The following ITPR2 variants were observed in gnomAD, a reference collection of about 807,000 sequenced individuals.
The protein encoded by ITPR2 is inositol 1,4,5-trisphosphate receptor type 2, also known as inositol 1,4,5-trisphosphate-gated calcium channel ITPR2.
ITPR2 carries 207 observed loss-of-function variants against 317.1 expected under a neutral mutation model. That is an observed-to-expected ratio of 0.65 (90% CI 0.58 to 0.73). ITPR2 has a LOEUF of 0.73. Ranked by LOEUF, ITPR2 falls within the 30% of genes least tolerant of loss-of-function variation. The probability of loss-of-function intolerance (pLI) is 0.00; values close to 1 mark genes in which losing one functional copy is unlikely to be tolerated. For missense variants in ITPR2, 2,613 were observed against 3,284.0 expected, an observed-to-expected ratio of 0.80 and a Z score of 4.99; for synonymous variants, 1,156 against 1,149.1, an observed-to-expected ratio of 1.01 and a Z score of -0.12.
At chr12:26,445,688 G>A (rs559641024) in intron 45 of ITPR2, among the ~76,000 whole-genome samples, 46 of 152,190 alleles carry the variant, frequency 3.0e-4, no homozygotes, top group African/African-American at 7.5e-4. Flanking sequence ...CACAGCAGCC[G>A]TTTTAGGAAG....
intron 13 of ITPR2, among the ~76,000 whole-genome samples, chr12:26,668,657 C>T (rs931274849): frequency 6.6e-6 from 1 of 152,144 alleles, no homozygotes; most frequent in Non-Finnish European, 1.5e-5. Context: ...GAGGCTACTC[C>T]ACCATCAACA....
chr12:26,672,133 C>T (rs1056313791), intron 13 of ITPR2, among the ~76,000 whole-genome samples: 3 of 152,158 alleles, frequency 2.0e-5, no homozygotes, highest in Admixed American at 6.5e-5. Context: ...CAACATTAGA[C>T]AGATCAATGA....
chr12:26,595,719 G>A, intron 31 of ITPR2, 129 bp from the exon 32 acceptor site: 1 of 750,872 alleles, frequency 1.3e-6, no homozygotes, highest in Non-Finnish European at 2.0e-6. Flanking sequence ...TGTCTATCCA[G>A]AAAGTATTCT....
intron 48 of ITPR2, among the ~76,000 whole-genome samples, chr12:26,435,328 T>C (rs1054122017): frequency 6.6e-6 from 1 of 152,018 alleles, no homozygotes; most frequent in African/African-American, 2.4e-5. Context: ...TTGAACTTTA[T>C]TGAAGGTTTA....
At chr12:26,624,491 T>C in intron 23 of ITPR2, 135 bp from the exon 24 acceptor site, 1 of 616,306 alleles carries the variant, frequency 1.6e-6, no homozygotes, top group Non-Finnish European at 2.9e-6. Context: ...TTAACACTAA[T>C]AATCTGATTT....
At chr12:26,822,695 T>G (rs1415635862) in intron 1 of ITPR2, among the ~76,000 whole-genome samples, 3 of 152,142 alleles carry the variant, frequency 2.0e-5, no homozygotes, top group Non-Finnish European at 4.4e-5. Context: ...TCGCATAAAT[T>G]TCTCCCAAGC....
intron 35 of ITPR2, among the ~76,000 whole-genome samples, chr12:26,557,103 T>A (rs1448867940): frequency 6.6e-6 from 1 of 151,980 alleles, no homozygotes; most frequent in Admixed American, 6.6e-5. Context: ...AAAATTCCCA[T>A]GTGTCATTGG....
At chr12:26,676,644 A>G (rs1947914091) in intron 13 of ITPR2, among the ~76,000 whole-genome samples, 1 of 152,072 alleles carries the variant, frequency 6.6e-6, no homozygotes, top group Non-Finnish European at 1.5e-5. Flanking sequence ...GGCAGGAGGA[A>G]GACGTAAAGA....
intron 52 of ITPR2, among the ~76,000 whole-genome samples, chr12:26,410,499 C>T (rs1179887662): frequency 6.6e-6 from 1 of 152,108 alleles, no homozygotes; most frequent in African/African-American, 2.4e-5. Context: ...AGTGTGGTCC[C>T]AGATGGAAAC....
At chr12:26,427,191 C>T (rs12426143) in intron 49 of ITPR2, among the ~76,000 whole-genome samples, 50,207 of 151,838 alleles carry the variant, frequency 0.33, 9,512 homozygotes, top group East Asian at 0.63. Context: ...ACACATAGAT[C>T]AGCAATACTT....
chr12:26,746,191 AACACACAC>A (rs71437307), intron 2 of ITPR2, among the ~76,000 whole-genome samples: 1 of 150,338 alleles, frequency 6.7e-6, no homozygotes, highest in African/African-American at 2.4e-5. Context: ...GTATTCCTAC[AACACACAC>A]ACACACACAC....
intron 2 of ITPR2, among the ~76,000 whole-genome samples, chr12:26,741,237 T>C (rs2137082658): frequency 6.6e-6 from 1 of 152,380 alleles, no homozygotes; most frequent in Non-Finnish European, 1.5e-5. Flanking sequence ...CTTCCAGGCC[T>C]GGGAGGGCCC....
intron 54 of ITPR2, 74 bp downstream of exon 54, chr12:26,398,802 T>C: frequency 1.5e-6 from 2 of 1,303,344 alleles, no homozygotes; most frequent in South Asian, 1.4e-5. Context: ...GCATGAAAAA[T>C]AAAAATCCCT....
intron 48 of ITPR2, among the ~76,000 whole-genome samples, chr12:26,435,448 TC>T (rs1412781508): frequency 1.3e-5 from 2 of 152,186 alleles, no homozygotes; most frequent in Non-Finnish European, 2.9e-5. Flanking sequence ...AGCTGATTTC[TC>T]CATCTTTTCT....
intron 1 of ITPR2, among the ~76,000 whole-genome samples, chr12:26,807,869 T>C (rs1417040331): frequency 2.0e-5 from 3 of 152,178 alleles, no homozygotes; most frequent in Non-Finnish European, 4.4e-5. Flanking sequence ...GATTTCTCTT[T>C]CCCAAGTACA....
intron 2 of ITPR2, among the ~76,000 whole-genome samples, chr12:26,780,773 G>T (rs1950062031): frequency 6.6e-6 from 1 of 152,204 alleles, no homozygotes; most frequent in Admixed American, 6.5e-5. Flanking sequence ...CACCCCTAGT[G>T]ATCCACTAAC....
At position 26,813,968 on chromosome 12, in the gene ITPR2, G is replaced by A. The variant is rs190553609; in HGVS notation, c.92+18722C>T. On this transcript the variant is annotated intron_variant, in intron 1 of 56. Coordinates refer to ENST00000381340, the MANE Select transcript of ITPR2 (RefSeq NM_002223.4). The stretch of plus-strand genomic sequence containing the variant: ...TCCATCATCCACTGTCCTTCCTCTG[G>A]CAACAGAGCCCTACATGAAGAATGG... 3.9e-4 allele frequency among the ~76,000 whole-genome samples: 60 copies of A among 152,218 alleles called. No homozygotes were observed. In the East Asian group the frequency reaches 0.01, roughly 26 times the overall value.
intron 2 of ITPR2, among the ~76,000 whole-genome samples, chr12:26,769,790 C>T (rs190106900): frequency 1.4e-4 from 22 of 151,990 alleles, no homozygotes; most frequent in Admixed American, 1.1e-3. Flanking sequence ...AAGAGAAGAC[C>T]GGATGGGGGG....
At position 26,561,954 on chromosome 12, in the gene ITPR2, T is replaced by C; in HGVS notation, c.4631-2A>G. On this transcript the variant is annotated splice_acceptor_variant, in intron 34 of 56. Transcript: ENST00000381340. LOFTEE classifies it high-confidence loss of function. ...GAATGGCAATTCCACGATTTTTTGC[T>C]GAAAAAGAAAGATTTAAAATATTTC... The C allele has an allele frequency of 6.6e-7, 1 of 1,509,748 alleles. No individual in the cohort carries two copies. Among genetic ancestry groups the C allele is most frequent in the Non-Finnish European group, 8.8e-7 (1 of 1,136,116 alleles). 93.5% of individuals were successfully genotyped at this position (1,509,748 alleles called of 1,614,324 possible).
Sources: gnomAD v4.1 joint callset for allele counts (sites outside exome capture counted in the v4.1 genomes callset) on GRCh38, gnomAD v4.1.1 for gene constraint, MANE v1.5 for transcripts, NCBI Gene and HGNC (gene_info 2026-07-23, HGNC 2026-07-21) for gene names.